SPATA13: variants seen among roughly 807,000 people sequenced by gnomAD.
SPATA13 encodes spermatogenesis associated 13, also known as spermatogenesis-associated protein 13.
SPATA13 carries 50 observed loss-of-function variants against 104.0 expected under a neutral mutation model. The observed-to-expected ratio is 0.48, with a 90% CI of 0.38 to 0.61. SPATA13 has a LOEUF of 0.61. Among genes scored for constraint, SPATA13 ranks in the 20% least tolerant of loss-of-function variants. The probability of loss-of-function intolerance (pLI) is 0.00; values close to 1 mark genes in which losing one functional copy is unlikely to be tolerated. For missense variants in SPATA13, 1,524 were observed against 1,690.6 expected, an observed-to-expected ratio of 0.90 and a Z score of 1.73; for synonymous variants, 606 against 667.5, an observed-to-expected ratio of 0.91 and a Z score of 1.42.
intron 1 of SPATA13, among the ~76,000 whole-genome samples, chr13:24,185,003 G>A (rs1190288771): frequency 6.6e-6 from 1 of 152,108 alleles, no homozygotes; most frequent in Non-Finnish European, 1.5e-5. Context: ...TTTGAAAGTG[G>A]GCACTGGGGC....
At chr13:24,300,500 C>T (rs767529759) in intron 12 of SPATA13, 25 bp downstream of exon 12, 1 of 1,604,412 alleles carries the variant, frequency 6.2e-7, no homozygotes, top group East Asian at 2.2e-5. Context: ...AGGCTTTGTC[C>T]CCTTAATGCT....
chr13:24,164,553 G>A (rs1293822197), intron 1 of SPATA13, among the ~76,000 whole-genome samples: 2 of 152,192 alleles, frequency 1.3e-5, no homozygotes, highest in African/African-American at 4.8e-5. Flanking sequence ...TTTGCGTGAG[G>A]TATCCTCTGT....
chr13:24,117,886 C>T (rs568198226), intron 3 of SPATA13, among the ~76,000 whole-genome samples: 30 of 152,124 alleles, frequency 2.0e-4, no homozygotes, highest in African/African-American at 6.5e-4. Flanking sequence ...TATTCAGCTT[C>T]GAGAATATAA....
chr13:24,168,573 A>G (rs1213460732), intron 1 of SPATA13, among the ~76,000 whole-genome samples: 1 of 152,168 alleles, frequency 6.6e-6, no homozygotes, highest in Non-Finnish European at 1.5e-5. Context: ...GCAGCACACA[A>G]GCAGCCCAGT....
chr13:24,134,318 C>T (rs141763867), intron 3 of SPATA13, among the ~76,000 whole-genome samples: 39 of 152,296 alleles, frequency 2.6e-4, no homozygotes, highest in Admixed American at 1.3e-3. Flanking sequence ...AAAGTGTAAG[C>T]CCTGGCCCCC....
At chr13:24,045,920 C>T (rs1299720221) in intron 3 of SPATA13, among the ~76,000 whole-genome samples, 1 of 152,160 alleles carries the variant, frequency 6.6e-6, no homozygotes, top group Non-Finnish European at 1.5e-5. Context: ...GATCATAGTA[C>T]CCACCTCAAT....
At chr13:24,030,064 A>ACACACG (rs1555255391) in intron 3 of SPATA13, among the ~76,000 whole-genome samples, 23 of 140,112 alleles carry the variant, frequency 1.6e-4, no homozygotes, top group African/African-American at 5.9e-4. Flanking sequence ...ACACACACAC[A>ACACACG]CGCACACACA....
At chr13:24,181,761 C>CTTTTTT (rs374662974) in intron 1 of SPATA13, among the ~76,000 whole-genome samples, 4 of 145,002 alleles carry the variant, frequency 2.8e-5, no homozygotes, top group East Asian at 2.0e-4. Flanking sequence ...TTACAGTTGA[C>CTTTTTT]TTTTTTTTTT....
intron 1 of SPATA13, among the ~76,000 whole-genome samples, chr13:24,221,777 ATTTG>A (rs1471980371): frequency 2.0e-5 from 3 of 150,732 alleles, no homozygotes; most frequent in Admixed American, 6.6e-5. Flanking sequence ...AAGATGCCGA[ATTTG>A]TTTAATTTGA....
At chr13:23,995,287 G>T (rs2765159) in intron 2 of SPATA13, among the ~76,000 whole-genome samples, 76,185 of 151,980 alleles carry the variant, frequency 0.5, 19,371 homozygotes, top group Admixed American at 0.55. Context: ...TTTGAACACA[G>T]GTAAATCAAA....
chr13:24,128,554 A>G (rs1448922596), intron 3 of SPATA13, among the ~76,000 whole-genome samples: 1 of 152,096 alleles, frequency 6.6e-6, no homozygotes, highest in East Asian at 1.9e-4. Context: ...TTCTGAGAAT[A>G]GCCTGTCTTT....
At chr13:24,075,595 G>A (rs1879298613) in intron 3 of SPATA13, among the ~76,000 whole-genome samples, 1 of 152,142 alleles carries the variant, frequency 6.6e-6, no homozygotes, top group Admixed American at 6.5e-5. Context: ...TGCTGGCACT[G>A]TTTCTACTTC....
rs143026160 is a variant in SPATA13, at chr13:24,002,772, C to T, written c.-146-14895C>T. On this transcript the variant is annotated intron_variant, in intron 2 of 14. Coordinates refer to the SPATA13 transcript ENST00000424834. The stretch of plus-strand genomic sequence containing the variant: ...CTCTGATGGAAACAGGTTTCCTACC[C>T]GCTGCTGCTCTGCAGTCCTTACTTG... Among the ~76,000 whole-genome samples, 838 of 152,248 alleles carry T rather than the reference C, an allele frequency of 5.5e-3. 11 individuals carry two copies. The highest frequency in any genetic ancestry group is 0.018 in the African/African-American group (761 of 41,526).
chr13:24,104,479 A>G (rs1411951752), intron 3 of SPATA13, among the ~76,000 whole-genome samples: 1 of 152,208 alleles, frequency 6.6e-6, no homozygotes, highest in Non-Finnish European at 1.5e-5. Flanking sequence ...GTTAAGGGAA[A>G]GTATTTTGTA....
At chr13:24,121,868 C>T (rs111763992) in intron 3 of SPATA13, among the ~76,000 whole-genome samples, 26 of 152,244 alleles carry the variant, frequency 1.7e-4, no homozygotes, top group East Asian at 3.9e-4. Flanking sequence ...CCATCCCCCT[C>T]GATCCCCCAA....
intron 3 of SPATA13, among the ~76,000 whole-genome samples, chr13:24,023,543 G>A (rs952672927): frequency 5.9e-5 from 9 of 152,176 alleles, no homozygotes; most frequent in African/African-American, 2.2e-4. Context: ...TGGTAAAGAA[G>A]AATTAGGTTG....
chr13:24,238,279 C>G (rs1363349662), intron 2 of SPATA13, among the ~76,000 whole-genome samples: 1 of 151,920 alleles, frequency 6.6e-6, no homozygotes, highest in East Asian at 1.9e-4. Context: ...GCCTCAGCCT[C>G]TCAAGCAGCT....
At chr13:24,167,772 A>G (rs1882808125) in intron 1 of SPATA13, among the ~76,000 whole-genome samples, 1 of 152,214 alleles carries the variant, frequency 6.6e-6, no homozygotes, top group African/African-American at 2.4e-5. Context: ...TAAACCATGT[A>G]TTTCTAAACA....
chr13:24,184,365 G>C (rs867506868), intron 1 of SPATA13, among the ~76,000 whole-genome samples: 1 of 152,170 alleles, frequency 6.6e-6, no homozygotes. Context: ...GAGCTCAACA[G>C]AACCTGCACC....
Sources: allele counts gnomAD v4.1 joint callset (sites outside exome capture counted in the v4.1 genomes callset), GRCh38; gene constraint gnomAD v4.1.1; transcripts MANE v1.5; gene names NCBI Gene and HGNC (gene_info 2026-07-23, HGNC 2026-07-21).